STEEP1: variants seen among roughly 807,000 people sequenced by gnomAD.
The protein encoded by STEEP1 is STING ER exit protein.
In STEEP1, 3 loss-of-function variants were observed where a neutral mutation model predicts 19.2. The observed-to-expected ratio is 0.16, with a 90% CI of 0.07 to 0.40. The LOEUF (loss-of-function observed/expected upper bound fraction) is 0.40, where lower values mean the gene tolerates loss of function less well. Ranked by LOEUF, STEEP1 falls within the 10% of genes least tolerant of loss-of-function variation. The pLI, the probability that STEEP1 is intolerant of heterozygous loss-of-function variation, is 0.99. For synonymous variants in STEEP1, 46 were observed against 63.7 expected (o/e 0.72, Z 1.32); for missense variants, 54 against 177.1 (o/e 0.30, Z 3.94).
chrX:119,563,532 G>C (rs1285611313), intron 1 of STEEP1, among the ~76,000 whole-genome samples: 4 of 98,726 alleles, frequency 4.1e-5, no homozygotes, highest in Non-Finnish European at 8.2e-5. Context: ...TGGGCAAGAA[G>C]AGCGAAACTC....
chrX:119,554,398 T>C (rs1299324024), intron 2 of STEEP1, among the ~76,000 whole-genome samples: 1 of 111,528 alleles, frequency 9.0e-6, no homozygotes, highest in Non-Finnish European at 1.9e-5. Flanking sequence ...TGAGCCAAGA[T>C]TGCGCCACTG....
rs749363300 is a variant in STEEP1 at position 119,539,797 on chromosome X, GA to G, written c.607-9del. 24 of 1,167,163 alleles carry G rather than the reference GA, an allele frequency of 2.1e-5. No homozygotes were observed. Among genetic ancestry groups the G allele is most frequent in the Admixed American group, 7.1e-5 (3 of 42,220 alleles). ...CTTGGCTTCCAATTCAGCCTAGAAAGAAAAAAAAAGCATATGTCTTGATACA... is the reference window on the plus strand; with the variant it reads ...CTTGGCTTCCAATTCAGCCTAGAAAGAAAAAAAAGCATATGTCTTGATACA... On this transcript the variant is annotated splice_polypyrimidine_tract_variant and intron_variant, in intron 6 of 6. Transcript: ENST00000644802.
chrX:119,544,047 G>A (rs1466863614), intron 4 of STEEP1, among the ~76,000 whole-genome samples: 1 of 110,715 alleles, frequency 9.0e-6, no homozygotes, highest in Non-Finnish European at 1.9e-5. Flanking sequence ...ATGCTTGAGG[G>A]GATGAATACC....
intron 2 of STEEP1, among the ~76,000 whole-genome samples, chrX:119,550,251 C>T (rs2053234126): frequency 9.0e-6 from 1 of 111,718 alleles, no homozygotes; most frequent in Admixed American, 9.6e-5. Flanking sequence ...TCCAGTAGAG[C>T]CAAAGCAATC....
rs1170481115 is a variant in STEEP1 at position 119,558,137 on chromosome X, GGT to G, written c.242+2129_242+2130del. On this transcript the variant is annotated intron_variant, in intron 2 of 6. Transcript: ENST00000644802. Reference sequence around the variant, plus strand: ...TTGGCCAGCCTGGTCTCGAACTCCTGGTCTCAAGTGATCCACCCACCTCAGCC... The same window carrying G: ...TTGGCCAGCCTGGTCTCGAACTCCTGCTCAAGTGATCCACCCACCTCAGCC... Among the ~76,000 whole-genome samples, 3 of 110,998 alleles carry G rather than the reference GGT, an allele frequency of 2.7e-5. No individual in the cohort carries two copies. In the Admixed American group the frequency reaches 2.9e-4, roughly 11 times the overall value.
intron 1 of STEEP1, among the ~76,000 whole-genome samples, 192 bp from the exon 2 acceptor site, chrX:119,560,577 T>A (rs1156359498): frequency 3.6e-5 from 4 of 112,368 alleles, no homozygotes; most frequent in Admixed American, 9.5e-5. Context: ...CCTTGGTATT[T>A]GGACCCAGCT....
chrX:119,543,251 G>A (rs1171737989), intron 4 of STEEP1, among the ~76,000 whole-genome samples: 1 of 109,071 alleles, frequency 9.2e-6, no homozygotes, highest in Admixed American at 9.9e-5. Flanking sequence ...GTGCAATGGT[G>A]CAATCTTGGC....
At chrX:119,553,728 A>C (rs2053259854) in intron 2 of STEEP1, among the ~76,000 whole-genome samples, 1 of 111,861 alleles carries the variant, frequency 8.9e-6, no homozygotes, top group African/African-American at 3.2e-5. Flanking sequence ...CCATACAGAG[A>C]ATGAACTTCC....
chrX:119,563,760 T>C (rs1290791361), intron 1 of STEEP1, among the ~76,000 whole-genome samples: 3 of 111,099 alleles, frequency 2.7e-5, no homozygotes, highest in African/African-American at 9.8e-5. Context: ...AGATCCTGCA[T>C]ACATTTTCAC....
In STEEP1 at chrX:119,558,643, G is replaced by C. The variant is rs180679931; in HGVS notation, c.242+1625C>G. 4.5e-5 allele frequency among the ~76,000 whole-genome samples: 5 copies of C among 111,681 alleles called. No homozygotes were observed. In the East Asian group the frequency reaches 1.4e-3, roughly 32 times the overall value. On this transcript the variant is annotated intron_variant, in intron 2 of 6. Transcript: ENST00000644802. ...GAAATATTTGTTGCATGAATGGATGGATTTTTTAATTCCCTAGGATTGACC... is the reference window on the plus strand; with the variant it reads ...GAAATATTTGTTGCATGAATGGATGCATTTTTTAATTCCCTAGGATTGACC...
chrX:119,542,887 A>C, intron 4 of STEEP1: 1 of 165,459 alleles, frequency 6.0e-6, no homozygotes, highest in Non-Finnish European at 1.1e-5. Flanking sequence ...TGCAACCTCA[A>C]ACTCCTGGGC....
chrX:119,564,925 G>A (rs1330400818), intron 1 of STEEP1, among the ~76,000 whole-genome samples: 1 of 111,587 alleles, frequency 9.0e-6, no homozygotes, highest in Non-Finnish European at 1.9e-5. Flanking sequence ...GCTTCTAGAG[G>A]CAGTAGTTTT....
At chrX:119,541,110 C>A (rs746270980) in intron 6 of STEEP1, among the ~76,000 whole-genome samples, 1 of 111,731 alleles carries the variant, frequency 9.0e-6, no homozygotes, top group Admixed American at 9.6e-5. Context: ...CTAGTTAGGG[C>A]TATAACAAGT....
Position 119,542,055 on chromosome X carries a change from C to CTTTTTTTTT in STEEP1, c.513+441_513+449dup, listed in dbSNP as rs201339708. 3.9e-4 allele frequency among the ~76,000 whole-genome samples: 32 copies of CTTTTTTTTT among 82,912 alleles called. 2 individuals are homozygous for CTTTTTTTTT. Among genetic ancestry groups the CTTTTTTTTT allele is most frequent in the Non-Finnish European group, 5.5e-4 (24 of 43,589 alleles). 72.0% of individuals were successfully genotyped at this position (82,912 alleles called of 115,157 possible). ...TCACTGTCAGAGTTTCTTTTCTTTT[C>CTTTTTTTTT]TTTTTTTTTTTTTTTTTTTTTTTTT... On this transcript the variant is annotated intron_variant, in intron 5 of 6. Transcript: ENST00000644802.
chrX:119,551,587 C>T (rs1327615584), intron 2 of STEEP1, among the ~76,000 whole-genome samples: 1 of 111,140 alleles, frequency 9.0e-6, no homozygotes, highest in African/African-American at 3.3e-5. Context: ...AACGAGGAAG[C>T]GGGCAGGCAG....
At chrX:119,559,301 C>T (rs1162418111) in intron 2 of STEEP1, among the ~76,000 whole-genome samples, 1 of 111,031 alleles carries the variant, frequency 9.0e-6, no homozygotes, top group African/African-American at 3.3e-5. Flanking sequence ...CTGTCCTCAC[C>T]CTAGTATGCA....
At chrX:119,553,755 C>T (rs73637854) in intron 2 of STEEP1, among the ~76,000 whole-genome samples, 17 of 111,651 alleles carry the variant, frequency 1.5e-4, no homozygotes, top group African/African-American at 5.2e-4. Flanking sequence ...ATCCTGAAGT[C>T]GGCCAATCCC....
intron 2 of STEEP1, among the ~76,000 whole-genome samples, chrX:119,558,916 T>A (rs1003470055): frequency 1.8e-5 from 2 of 110,761 alleles, no homozygotes; most frequent in African/African-American, 6.6e-5. Context: ...ATCACACCCC[T>A]GCTTAAAAAA....
intron 1 of STEEP1, among the ~76,000 whole-genome samples, chrX:119,562,375 A>C (rs1375352634): frequency 9.0e-6 from 1 of 111,366 alleles, no homozygotes. Flanking sequence ...CTACTAAAAA[A>C]ATACAAAATT....
Sources: allele counts gnomAD v4.1 joint callset (sites outside exome capture counted in the v4.1 genomes callset), GRCh38; gene constraint gnomAD v4.1.1; transcripts MANE v1.5; gene names NCBI Gene and HGNC (gene_info 2026-07-23, HGNC 2026-07-21).